WDHD1: variants seen among roughly 807,000 people sequenced by gnomAD.
The protein encoded by WDHD1 is WD repeat and HMG-box DNA binding protein 1.
In WDHD1, 111 loss-of-function variants were observed where a neutral mutation model predicts 135.4. The ratio of observed to expected loss-of-function variants is 0.82; its 90% CI spans 0.70 to 0.96. WDHD1 has a LOEUF of 0.96. Among genes scored for constraint, WDHD1 ranks in the 40% least tolerant of loss-of-function variants. WDHD1 has a pLI of 0.00. For synonymous variants in WDHD1, 434 were observed against 439.0 expected, an observed-to-expected ratio of 0.99 and a Z score of 0.14; for missense variants, 1,351 against 1,336.3, an observed-to-expected ratio of 1.01 and a Z score of -0.17.
chr14:54,968,960 T>G (rs2041387607), intron 16 of WDHD1, among the ~76,000 whole-genome samples: 1 of 152,146 alleles, frequency 6.6e-6, no homozygotes, highest in African/African-American at 2.4e-5. Context: ...GAAGATTAAT[T>G]GAGCTTGGGA....
chr14:55,025,307 G>A (rs2042417105), intron 2 of WDHD1, among the ~76,000 whole-genome samples: 1 of 149,778 alleles, frequency 6.7e-6, no homozygotes, highest in Admixed American at 6.7e-5. Flanking sequence ...CCCCCTCTTC[G>A]AGAAACACCC....
intron 2 of WDHD1, among the ~76,000 whole-genome samples, chr14:55,020,661 G>T (rs1020623655): frequency 2.0e-5 from 3 of 152,144 alleles, no homozygotes; most frequent in Non-Finnish European, 2.9e-5. Flanking sequence ...AACTCTGGAA[G>T]GTATCAGCCA....
At chr14:55,017,406 C>T (rs1284052334) in intron 2 of WDHD1, among the ~76,000 whole-genome samples, 1 of 150,396 alleles carries the variant, frequency 6.6e-6, no homozygotes, top group African/African-American at 2.4e-5. Context: ...GCAGTGGCAC[C>T]ATCTCGGGTC....
chr14:55,023,961 T>C (rs950683461), intron 2 of WDHD1, among the ~76,000 whole-genome samples: 1 of 152,238 alleles, frequency 6.6e-6, no homozygotes, highest in African/African-American at 2.4e-5. Context: ...GTATATTTTA[T>C]GGTAGTAAAT....
At position 54,957,095 on chromosome 14, in the gene WDHD1, G is replaced by T; in HGVS notation, c.2855C>A (p.Thr952Asn). The T allele has an allele frequency of 6.2e-7, 1 of 1,614,138 alleles. No individual in the cohort carries two copies. The highest frequency in any genetic ancestry group is 8.5e-7 in the Non-Finnish European group (1 of 1,180,032). The change falls in exon 23 of 26, where the codon ACT becomes AAT. Residue 952 changes from threonine (T) to asparagine (N), a missense_variant. Around this residue, in one of 2 missense-constraint regions of WDHD1, gnomAD observed 1,330 missense variants for 1,296.1 expected, o/e 1.03. Coordinates refer to ENST00000360586, the MANE Select transcript of WDHD1 (RefSeq NM_007086.4). ...SSKKSTALSR[T>N]TNNEKSPIIK... ...AATGGGAGACTTTTCATTATTTGTAGTTCGACTAAGTGCAGTGGATTTCTT... is the reference window on the plus strand; with the variant it reads ...AATGGGAGACTTTTCATTATTTGTATTTCGACTAAGTGCAGTGGATTTCTT...
In WDHD1 at chr14:54,958,370, G is replaced by A. The variant is rs188201643; in HGVS notation, c.2702-735C>T. On this transcript the variant is annotated intron_variant, in intron 21 of 25. Coordinates refer to ENST00000360586, the MANE Select transcript of WDHD1 (RefSeq NM_007086.4). ...TTGAACTCCTGACCTCAGGTGATCC[G>A]TCTGCCTTGGCCTCCCACAGTGCTG... 2.4e-3 allele frequency among the ~76,000 whole-genome samples: 359 copies of A among 152,060 alleles called. 2 individuals are homozygous for A. The highest frequency in any genetic ancestry group is 8.1e-3 in the African/African-American group (338 of 41,490).
In WDHD1 at chr14:54,941,662, G is replaced by A. The variant is rs374713419; in HGVS notation, c.3218C>T (p.Thr1073Met). 29 of 1,613,518 alleles carry A rather than the reference G, an allele frequency of 1.8e-5. No homozygotes were observed. The highest frequency in any genetic ancestry group is 6.7e-5 in the Admixed American group (4 of 59,980). Residue 1073 changes from threonine to methionine, a missense_variant, in exon 26 of 26, where the codon ACG becomes ATG. This residue lies in a region of WDHD1 where 1,330 missense variants were observed against 1,296.1 expected (regional missense o/e 1.03). Coordinates refer to ENST00000360586, the MANE Select transcript of WDHD1 (RefSeq NM_007086.4). ...CTTTGCTTCAGTTCCTTCACTTGCC[G>A]TTTCTCCTTTGGCTTTGTTAGCCCA... ...KVWANKAKGE[T>M]ASEGTEAKKR...
At chr14:54,961,146 C>T (rs1232587364) in intron 21 of WDHD1, among the ~76,000 whole-genome samples, 1 of 151,520 alleles carries the variant, frequency 6.6e-6, no homozygotes, top group Non-Finnish European at 1.5e-5. Flanking sequence ...GTGTGCCATG[C>T]TATACCTCTG....
At chr14:54,974,424 T>C (rs1272919414) in intron 16 of WDHD1, among the ~76,000 whole-genome samples, 1 of 149,822 alleles carries the variant, frequency 6.7e-6, no homozygotes, top group African/African-American at 2.5e-5. Context: ...CAGAGAGAGA[T>C]TCTGTCTCAA....
chr14:55,000,843 T>C lies in WDHD1; in HGVS notation c.800+43A>G, dbSNP rs536629053. 5 of 1,379,250 alleles carry C rather than the reference T, an allele frequency of 3.6e-6. No homozygotes were observed. In the South Asian group the frequency reaches 7.0e-5, roughly 19 times the overall value. 85.4% of individuals were successfully genotyped at this position (1,379,250 alleles called of 1,614,324 possible). ...CAAAATAAAACAAATACAAAACTAA[T>C]AGAGATGAGCAAAGAAGAGACAAAA... is the stretch of plus-strand genomic sequence containing the variant. On this transcript the variant is annotated intron_variant, in intron 9 of 25. Coordinates refer to ENST00000360586, the MANE Select transcript of WDHD1 (RefSeq NM_007086.4).
intron 11 of WDHD1, among the ~76,000 whole-genome samples, chr14:54,994,353 T>G (rs1350486301): frequency 1.3e-5 from 2 of 152,188 alleles, no homozygotes; most frequent in East Asian, 3.8e-4. Flanking sequence ...GCCTTTGATA[T>G]TAATAGTAGC....
intron 10 of WDHD1, among the ~76,000 whole-genome samples, chr14:54,996,436 C>T (rs918891215): frequency 2.0e-5 from 3 of 152,004 alleles, no homozygotes; most frequent in African/African-American, 7.2e-5. Context: ...GATGAAACCT[C>T]ATCTCCACAA....
intron 16 of WDHD1, among the ~76,000 whole-genome samples, chr14:54,974,865 C>G (rs958141491): frequency 1.3e-5 from 2 of 152,060 alleles, no homozygotes; most frequent in African/African-American, 4.8e-5. Context: ...AAAACTAGGT[C>G]GTGTCCAGAT....
rs930945742 is a variant in WDHD1 at position 55,010,241 on chromosome 14, C to A, written c.341+68G>T. 7.9e-6 allele frequency: 11 copies of A among 1,401,232 alleles called. No individual in the cohort carries two copies. The South Asian group carries it at 9.1e-5, about 12-fold the overall frequency. The allele number at this position is 1,401,232 out of a possible 1,614,324, so 86.8% of individuals were successfully genotyped here. A position where few individuals can be genotyped will look rare whatever the true frequency, so the allele number is the denominator to read the frequency against. On this transcript the variant is annotated intron_variant, in intron 4 of 25. Transcript: ENST00000360586. The stretch of plus-strand genomic sequence containing the variant: ...TTAAGTCACGGTCCTGAAAACACTA[C>A]CCTGAAACAAATAAACAAGGCCTTT...
In WDHD1 at chr14:55,000,495, C is replaced by G. The variant is rs757031731; in HGVS notation, c.942+8G>C. ...TTGAAGAAACTGTTGTACCATACTC[C>G]CTTTTACCTTACTGCTTGATGTCTT... is the stretch of plus-strand genomic sequence containing the variant. On this transcript the variant is annotated splice_region_variant and intron_variant, in intron 10 of 25. Transcript: ENST00000360586. 1 of 1,598,852 alleles carries G rather than the reference C, an allele frequency of 6.3e-7. No individual in the cohort carries two copies. The highest frequency in any genetic ancestry group is 8.5e-7 in the Non-Finnish European group (1 of 1,173,016).
chr14:55,002,661 A>T (rs2041996604), intron 7 of WDHD1, among the ~76,000 whole-genome samples: 1 of 151,994 alleles, frequency 6.6e-6, no homozygotes. Flanking sequence ...GCTGGAGTGC[A>T]GTGGTGTGAT....
At chr14:55,003,841 G>A (rs923330155) in intron 7 of WDHD1, among the ~76,000 whole-genome samples, 1 of 152,144 alleles carries the variant, frequency 6.6e-6, no homozygotes, top group Non-Finnish European at 1.5e-5. Context: ...TGGGATTATA[G>A]GCGTGAGCCA....
At chr14:55,022,757 G>A (rs2042370753) in intron 2 of WDHD1, among the ~76,000 whole-genome samples, 1 of 149,200 alleles carries the variant, frequency 6.7e-6, no homozygotes, top group Admixed American at 6.6e-5. Flanking sequence ...TCGTAATGGT[G>A]TCTGGGAATC....
intron 21 of WDHD1, among the ~76,000 whole-genome samples, chr14:54,961,827 C>A (rs564793625): frequency 6.6e-6 from 1 of 151,768 alleles, no homozygotes; most frequent in East Asian, 1.9e-4. Flanking sequence ...CTGTACGCAA[C>A]CATTTTCAAC....
Sources: allele counts gnomAD v4.1 joint callset (sites outside exome capture counted in the v4.1 genomes callset), GRCh38; gene constraint gnomAD v4.1.1; regional missense constraint gnomAD v4.1.1; transcripts MANE v1.5; gene names NCBI Gene and HGNC (gene_info 2026-07-23, HGNC 2026-07-21).